The following ZEB1 variants were observed in gnomAD, a reference collection of about 807,000 sequenced individuals.
ZEB1 encodes the protein zinc finger E-box binding homeobox 1, also known as zinc finger E-box-binding homeobox 1.
In ZEB1, 21 loss-of-function variants were observed where a neutral mutation model predicts 84.9. That is an observed-to-expected ratio of 0.25 (90% CI 0.18 to 0.36). The LOEUF is 0.36. Ranked by LOEUF, ZEB1 falls within the 10% of genes least tolerant of loss-of-function variation. The pLI is 1.00. For synonymous variants in ZEB1, 420 were observed against 471.1 expected (o/e 0.89, Z 1.41); for missense variants, 1,104 against 1,330.2 (o/e 0.83, Z 2.65).
intron 1 of ZEB1, among the ~76,000 whole-genome samples, chr10:31,377,314 G>A (rs2046819665): frequency 1.3e-5 from 2 of 151,616 alleles, no homozygotes; most frequent in African/African-American, 2.4e-5. Flanking sequence ...CAAGAGCCAT[G>A]TAAAGAATAC....
chr10:31,513,214 T>C (rs1177537012), intron 5 of ZEB1, among the ~76,000 whole-genome samples: 1 of 152,192 alleles, frequency 6.6e-6, no homozygotes, highest in Non-Finnish European at 1.5e-5. Context: ...GATTGTTGGC[T>C]TCAGAATATG....
chr10:31,382,025 A>AAAAAAAAAAAAC (rs1564659083), intron 1 of ZEB1, among the ~76,000 whole-genome samples: 7 of 146,072 alleles, frequency 4.8e-5, no homozygotes, highest in African/African-American at 1.9e-4. Context: ...AAAAAAAAAA[A>AAAAAAAAAAAAC]AAAAAAAAAC....
chr10:31,448,725 A>C (rs1358857246), intron 1 of ZEB1, among the ~76,000 whole-genome samples: 1 of 152,082 alleles, frequency 6.6e-6, no homozygotes, highest in African/African-American at 2.4e-5. Context: ...TAGGCTGCTA[A>C]GGGGTCAGGG....
intron 1 of ZEB1, among the ~76,000 whole-genome samples, chr10:31,393,479 ATTC>A (rs1564699905): frequency 6.6e-6 from 1 of 152,164 alleles, no homozygotes; most frequent in African/African-American, 2.4e-5. Flanking sequence ...AAAAGCTTAA[ATTC>A]TTCTTAGGAA....
rs780805467 is a variant in ZEB1, at chr10:31,391,231, TTGTGTGTGTGTGTGTG to T, written c.59-69775_59-69760del. ...CAGAGAACAAGAACCACAGGTAAGT[TTGTGTGTGTGTGTGTG>T]TGTGTGTGTGTGTGTGTGTGTGTGT... On this transcript the variant is annotated intron_variant, in intron 1 of 8. Coordinates refer to ENST00000424869, the MANE Select transcript of ZEB1 (RefSeq NM_001174096.2). 5.9e-3 allele frequency among the ~76,000 whole-genome samples: 796 copies of T among 134,786 alleles called. 3 individuals carry two copies. Among genetic ancestry groups the T allele is most frequent in the Non-Finnish European group, 5.8e-3 (365 of 63,406 alleles). 88.4% of individuals were successfully genotyped at this position (134,786 alleles called of 152,430 possible).
At chr10:31,384,005 ACT>A (rs1436864723) in intron 1 of ZEB1, among the ~76,000 whole-genome samples, 1 of 116,092 alleles carries the variant, frequency 8.6e-6, no homozygotes, top group African/African-American at 3.5e-5. Context: ...ATAGAGTCTC[ACT>A]CTGTCGCCCA....
intron 4 of ZEB1, among the ~76,000 whole-genome samples, chr10:31,508,059 G>A (rs1317163898): frequency 1.3e-5 from 2 of 152,196 alleles, no homozygotes; most frequent in Non-Finnish European, 2.9e-5. Context: ...GTTATAAATA[G>A]TGTGAGTAGG....
intron 3 of ZEB1, among the ~76,000 whole-genome samples, 189 bp from the exon 4 acceptor site, chr10:31,502,159 A>G (rs2139238545): frequency 1.3e-5 from 2 of 152,346 alleles, no homozygotes; most frequent in East Asian, 1.9e-4. Flanking sequence ...TTTTAAACTT[A>G]TAAAGCAAAG....
chr10:31,502,160 T>C lies in ZEB1; in HGVS notation c.323-188T>C, dbSNP rs184339176. The stretch of plus-strand genomic sequence containing the variant: ...ACACATTCATAGCATTTTAAACTTA[T>C]AAAGCAAAGATATATCTTAATACAT... On this transcript the variant is annotated intron_variant, in intron 3 of 8. Transcript: ENST00000424869. Among the ~76,000 whole-genome samples the C allele has an allele frequency of 6.3e-3, 954 of 152,330 alleles. 6 individuals are homozygous for C. The highest frequency in any genetic ancestry group is 9.7e-3 in the Non-Finnish European group (658 of 68,018).
chr10:31,521,197 C>A lies in ZEB1; in HGVS notation c.1865C>A (p.Pro622Gln). 2 of 1,614,030 alleles carry A rather than the reference C, an allele frequency of 1.2e-6. No individual in the cohort carries two copies. The highest frequency in any genetic ancestry group is 2.2e-5 in the South Asian group (2 of 91,084). Residue 622 changes from proline to glutamine, a missense_variant, in exon 7 of 9, where the codon CCA becomes CAA. By Grantham distance (76) the Pro-to-Gln change is moderately conservative. Around this residue, in one of 7 missense-constraint regions of ZEB1, gnomAD observed 531 missense variants for 575.2 expected, o/e 0.92. Transcript: ENST00000424869. Reference protein sequence around the residue: ...LSKIADSVNLPLDVVKKWFEK... With the variant: ...LSKIADSVNLQLDVVKKWFEK... Reference sequence around the variant, plus strand: ...AAAATTGCTGATTCAGTAAACCTACCACTGGATGTAGTAAAAAAGTGGTTT... The same window carrying A: ...AAAATTGCTGATTCAGTAAACCTACAACTGGATGTAGTAAAAAAGTGGTTT...
intron 1 of ZEB1, among the ~76,000 whole-genome samples, chr10:31,391,111 G>A (rs906315064): frequency 2.0e-5 from 3 of 152,052 alleles, no homozygotes; most frequent in South Asian, 2.1e-4. Context: ...ATAAGTTAGC[G>A]TTCCAAAGTT....
chr10:31,405,984 G>T (rs549663631), intron 1 of ZEB1, among the ~76,000 whole-genome samples: 1 of 151,994 alleles, frequency 6.6e-6, no homozygotes, highest in Non-Finnish European at 1.5e-5. Context: ...GAGAATGATG[G>T]TTTCCAACTT....
chr10:31,358,429 A>G (rs920447187), intron 1 of ZEB1: 2 of 151,748 alleles, frequency 1.3e-5, no homozygotes, highest in African/African-American at 4.8e-5. Flanking sequence ...GAGTTGAAGA[A>G]TTTTTTTTTC....
chr10:31,322,719 C>T (rs559547390), intron 1 of ZEB1, among the ~76,000 whole-genome samples: 2 of 149,206 alleles, frequency 1.3e-5, no homozygotes, highest in Non-Finnish European at 3.0e-5. Context: ...TCTTTTTCTG[C>T]TTTCTTCTAT....
intron 1 of ZEB1, among the ~76,000 whole-genome samples, chr10:31,427,399 A>G (rs2057086144): frequency 6.6e-6 from 1 of 152,156 alleles, no homozygotes; most frequent in African/African-American, 2.4e-5. Context: ...AAAGGGAAGG[A>G]CTGAAAAGTA....
intron 1 of ZEB1, among the ~76,000 whole-genome samples, chr10:31,434,594 A>G (rs12245751): frequency 0.047 from 7,167 of 152,222 alleles, 390 homozygotes; most frequent in African/African-American, 0.12. Context: ...TTGAAACTTT[A>G]TGTCCCTTTC....
intron 1 of ZEB1, among the ~76,000 whole-genome samples, 156 bp from the exon 2 acceptor site, chr10:31,460,881 C>G (rs2061729267): frequency 6.6e-6 from 1 of 152,036 alleles, no homozygotes; most frequent in Admixed American, 6.6e-5. Flanking sequence ...TCTAGTGTTA[C>G]ATATGTGTGT....
chr10:31,355,226 T>C (rs2041929174), intron 1 of ZEB1: 1 of 152,172 alleles, frequency 6.6e-6, no homozygotes, highest in Non-Finnish European at 1.5e-5. Context: ...CCTAAAGTCA[T>C]ACAGCAAGTA....
intron 2 of ZEB1, among the ~76,000 whole-genome samples, chr10:31,462,613 A>C (rs941019587): frequency 6.6e-6 from 1 of 152,192 alleles, no homozygotes; most frequent in Non-Finnish European, 1.5e-5. Context: ...GGCAACATAC[A>C]TGAAGCCACA....
Sources: allele counts gnomAD v4.1 joint callset (sites outside exome capture counted in the v4.1 genomes callset), GRCh38; gene constraint gnomAD v4.1.1; regional missense constraint gnomAD v4.1.1; transcripts MANE v1.5; gene names NCBI Gene and HGNC (gene_info 2026-07-23, HGNC 2026-07-21).